The following SLC26A7 variants were observed in gnomAD, a reference collection of about 807,000 sequenced individuals.
The protein encoded by SLC26A7 is solute carrier family 26 member 7, also known as anion exchange transporter.
SLC26A7 carries 59 observed loss-of-function variants against 82.5 expected under a neutral mutation model. That is an observed-to-expected ratio of 0.72 (90% CI 0.58 to 0.89). The LOEUF is 0.89. Ranked by LOEUF, SLC26A7 falls within the 40% of genes least tolerant of loss-of-function variation. SLC26A7 has a pLI of 0.00. For missense variants in SLC26A7, 820 were observed against 793.0 expected (o/e 1.03, Z -0.41); for synonymous variants, 271 against 274.3 (o/e 0.99, Z 0.12).
At chr8:91,312,506 T>C (rs1586395961) in intron 4 of SLC26A7, among the ~76,000 whole-genome samples, 1 of 152,162 alleles carries the variant, frequency 6.6e-6, no homozygotes, top group Admixed American at 6.6e-5. Context: ...ATTCTATTTT[T>C]AATATTTTGA....
At chr8:91,359,092 A>G (rs934662827) in intron 11 of SLC26A7, among the ~76,000 whole-genome samples, 8 of 152,150 alleles carry the variant, frequency 5.3e-5, no homozygotes, top group Non-Finnish European at 1.0e-4. Flanking sequence ...AAATATAAAA[A>G]AGAACATTAA....
intron 9 of SLC26A7, among the ~76,000 whole-genome samples, chr8:91,350,978 T>A (rs1813699584): frequency 6.6e-6 from 1 of 152,072 alleles, no homozygotes; most frequent in Admixed American, 6.6e-5. Flanking sequence ...GATTGTTTGT[T>A]TATATATTTA....
chr8:91,305,643 G>A (rs1377301896), intron 4 of SLC26A7, among the ~76,000 whole-genome samples: 1 of 152,132 alleles, frequency 6.6e-6, no homozygotes, highest in African/African-American at 2.4e-5. Flanking sequence ...TTCTTGAAGT[G>A]TCTGAGAACT....
At chr8:91,341,848 T>C (rs1813424436) in intron 8 of SLC26A7, among the ~76,000 whole-genome samples, 1 of 152,210 alleles carries the variant, frequency 6.6e-6, no homozygotes, top group Non-Finnish European at 1.5e-5. Flanking sequence ...TGGCTATGGA[T>C]ATTTGCACTT....
chr8:91,308,347 A>G (rs1416827895), intron 4 of SLC26A7, among the ~76,000 whole-genome samples: 1 of 151,926 alleles, frequency 6.6e-6, no homozygotes, highest in Non-Finnish European at 1.5e-5. Flanking sequence ...TTCAGTGTGT[A>G]GTTCAGTAGC....
chr8:91,263,965 C>T (rs1165712014), intron 2 of SLC26A7, among the ~76,000 whole-genome samples: 2 of 150,478 alleles, frequency 1.3e-5, no homozygotes, highest in African/African-American at 4.9e-5. Context: ...ATTATCATTC[C>T]ATTTTTTTTT....
At chr8:91,290,466 T>G (rs781062166) in intron 3 of SLC26A7, among the ~76,000 whole-genome samples, 1 of 152,230 alleles carries the variant, frequency 6.6e-6, no homozygotes, top group Non-Finnish European at 1.5e-5. Context: ...TTTTCTAGTT[T>G]CTAGAGGCTT....
chr8:91,271,412 T>C (rs1382577793), intron 2 of SLC26A7, among the ~76,000 whole-genome samples: 1 of 152,210 alleles, frequency 6.6e-6, no homozygotes. Flanking sequence ...CTAATGCTTG[T>C]TAAATGAATA....
At position 91,367,038 on chromosome 8, in the gene SLC26A7, C is replaced by T. The variant is rs142289284; in HGVS notation, c.1626+321C>T. 1.7e-3 allele frequency among the ~76,000 whole-genome samples: 251 copies of T among 150,816 alleles called. 1 individual carries two copies. The highest frequency in any genetic ancestry group is 5.3e-3 in the African/African-American group (218 of 41,078). On this transcript the variant is annotated intron_variant, in intron 14 of 18. Coordinates refer to ENST00000276609, the MANE Select transcript of SLC26A7 (RefSeq NM_052832.4). Reference sequence around the variant, plus strand: ...TTTTTTTTTTTTTGAGATGGAGTCTCGCTGTGTCACCCAGGCTGGAGTGCA... The same window carrying T: ...TTTTTTTTTTTTTGAGATGGAGTCTTGCTGTGTCACCCAGGCTGGAGTGCA...
At chr8:91,393,380 C>T (rs982487549) in intron 16 of SLC26A7, among the ~76,000 whole-genome samples, 10 of 151,968 alleles carry the variant, frequency 6.6e-5, no homozygotes, top group East Asian at 1.9e-4. Context: ...ATTCATGCAC[C>T]GGGTTTGTAG....
chr8:91,304,843 A>G (rs1407317457), intron 4 of SLC26A7, among the ~76,000 whole-genome samples: 1 of 152,222 alleles, frequency 6.6e-6, no homozygotes, highest in African/African-American at 2.4e-5. Flanking sequence ...TCTTGGCTCC[A>G]CAACAGTGTG....
At chr8:91,282,056 A>T (rs2130753706) in intron 2 of SLC26A7, among the ~76,000 whole-genome samples, 1 of 152,216 alleles carries the variant, frequency 6.6e-6, no homozygotes, top group Non-Finnish European at 1.5e-5. Context: ...GTTCAGGTGT[A>T]CTCACTGTTA....
At chr8:91,218,561 C>T (rs1810100150) in intron 1 of SLC26A7, among the ~76,000 whole-genome samples, 1 of 152,236 alleles carries the variant, frequency 6.6e-6, no homozygotes, top group South Asian at 2.1e-4. Flanking sequence ...TTTAATACCC[C>T]TGAAGGACAA....
Position 91,295,664 on chromosome 8 carries a change from C to T in SLC26A7, c.438C>T (p.His146=), listed in dbSNP as rs759206869. 13 of 1,613,866 alleles carry T rather than the reference C, an allele frequency of 8.1e-6. No individual in the cohort carries two copies. Among genetic ancestry groups the T allele is most frequent in the Admixed American group, 6.7e-5 (4 of 59,984 alleles). The change falls in exon 4 of 19, where the codon CAC becomes CAT. Residue 146 remains histidine (H), a synonymous_variant. Transcript: ENST00000276609. ...CCGACTTTGAAATGCAAAGGATCCA[C>T]GTTGCTGCAGCAGTTTCCTTCTTGG... ...GLSDFEMQRI[H]VAAAVSFLGG...
intron 4 of SLC26A7, among the ~76,000 whole-genome samples, chr8:91,303,145 G>A (rs1812213852): frequency 6.6e-6 from 1 of 152,138 alleles, no homozygotes; most frequent in Non-Finnish European, 1.5e-5. Context: ...AGCCAAGAAA[G>A]GAATTGCTAG....
At chr8:91,239,452 A>T (rs1301427419) in intron 2 of SLC26A7, among the ~76,000 whole-genome samples, 2 of 148,956 alleles carry the variant, frequency 1.3e-5, no homozygotes, top group African/African-American at 4.9e-5. Flanking sequence ...ATGTGTATAT[A>T]CGTATATATA....
intron 15 of SLC26A7, among the ~76,000 whole-genome samples, chr8:91,372,356 A>G (rs62528971): frequency 0.34 from 51,098 of 151,868 alleles, 10,819 homozygotes; most frequent in East Asian, 0.62. Context: ...TAGAATTTTT[A>G]TAGTTTCACG....
At chr8:91,314,462 A>G (rs1283732338) in intron 4 of SLC26A7, among the ~76,000 whole-genome samples, 1 of 152,130 alleles carries the variant, frequency 6.6e-6, no homozygotes, top group Non-Finnish European at 1.5e-5. Flanking sequence ...TTAAAATTTG[A>G]GTGGTGGGAA....
intron 11 of SLC26A7, among the ~76,000 whole-genome samples, chr8:91,357,680 A>T (rs1013775371): frequency 6.6e-6 from 1 of 152,218 alleles, no homozygotes; most frequent in South Asian, 2.1e-4. Flanking sequence ...AGGCAGTACC[A>T]TTCAGGACAT....
Sources: gnomAD v4.1 joint callset for allele counts (sites outside exome capture counted in the v4.1 genomes callset) on GRCh38, gnomAD v4.1.1 for gene constraint, MANE v1.5 for transcripts, NCBI Gene and HGNC (gene_info 2026-07-23, HGNC 2026-07-21) for gene names.